The following DNAH14 variants were observed in gnomAD, a reference collection of about 807,000 sequenced individuals.
DNAH14 encodes dynein axonemal heavy chain 14.
A neutral mutation model predicts 520.9 loss-of-function variants in DNAH14; 478 were observed. The observed-to-expected ratio is 0.92, with a 90% CI of 0.85 to 0.99. The LOEUF (loss-of-function observed/expected upper bound fraction) is 0.99. Ranked by LOEUF, DNAH14 falls within the 50% of genes least tolerant of loss-of-function variation. The pLI is 0.00. For missense variants in DNAH14, 4,831 were observed against 5,234.5 expected, an observed-to-expected ratio of 0.92 and a Z score of 2.38; for synonymous variants, 1,581 against 1,757.2, an observed-to-expected ratio of 0.90 and a Z score of 2.51.
At chr1:225,033,952 G>T (rs578213806) in intron 11 of DNAH14, among the ~76,000 whole-genome samples, 2 of 152,274 alleles carry the variant, frequency 1.3e-5, no homozygotes, top group South Asian at 4.1e-4. Flanking sequence ...CTGTTTATCA[G>T]CTGAAGGAGC....
At chr1:225,167,007 ATTTC>A (rs1353271744) in intron 35 of DNAH14, among the ~76,000 whole-genome samples, 2 of 152,130 alleles carry the variant, frequency 1.3e-5, no homozygotes, top group Non-Finnish European at 2.9e-5. Context: ...TACCTATGTG[ATTTC>A]TTGCTTATAT....
At chr1:225,211,916 T>TTA in intron 41 of DNAH14, among the ~76,000 whole-genome samples, 1 of 147,570 alleles carries the variant, frequency 6.8e-6, no homozygotes, top group African/African-American at 2.5e-5. Flanking sequence ...ATTTATTTAT[T>TTA]TTTATTATAC....
At chr1:225,220,708 G>A (rs777135394) in intron 41 of DNAH14, among the ~76,000 whole-genome samples, 4 of 152,082 alleles carry the variant, frequency 2.6e-5, no homozygotes, top group Non-Finnish European at 5.9e-5. Context: ...AATCAATATC[G>A]TGAAAATGGC....
At chr1:225,335,019 T>C (rs2094888355) in intron 66 of DNAH14, among the ~76,000 whole-genome samples, 1 of 149,296 alleles carries the variant, frequency 6.7e-6, no homozygotes, top group Non-Finnish European at 1.5e-5. Context: ...TACTTATATG[T>C]ATATATACAT....
At chr1:225,114,431 TG>T (rs990195815) in intron 23 of DNAH14, among the ~76,000 whole-genome samples, 1 of 152,146 alleles carries the variant, frequency 6.6e-6, no homozygotes, top group Admixed American at 6.5e-5. Context: ...CTTTTGGAGC[TG>T]GGAGCTGTGC....
At chr1:225,271,734 G>C (rs2093320243) in intron 50 of DNAH14, among the ~76,000 whole-genome samples, 172 bp from the exon 51 acceptor site, 1 of 152,124 alleles carries the variant, frequency 6.6e-6, no homozygotes, top group Non-Finnish European at 1.5e-5. Flanking sequence ...AACCCCTAGA[G>C]TGTTTTGTTT....
chr1:225,398,793 A>C, intron 85 of DNAH14, 127 bp downstream of exon 85: 1 of 1,322,326 alleles, frequency 7.6e-7, no homozygotes, highest in Non-Finnish European at 1.0e-6. Flanking sequence ...CAGACAACAA[A>C]GATTTTAAAT....
At chr1:225,078,468 A>G (rs1451669130) in intron 17 of DNAH14, among the ~76,000 whole-genome samples, 1 of 152,140 alleles carries the variant, frequency 6.6e-6, no homozygotes, top group Non-Finnish European at 1.5e-5. Context: ...TTTATGTCTT[A>G]ATAGCATCTA....
chr1:225,096,387 G>T (rs1439214253), intron 21 of DNAH14, among the ~76,000 whole-genome samples: 1 of 152,172 alleles, frequency 6.6e-6, no homozygotes, highest in Non-Finnish European at 1.5e-5. Context: ...ATGGAGGTAA[G>T]TACCAGAAGT....
intron 55 of DNAH14, among the ~76,000 whole-genome samples, chr1:225,291,353 A>T (rs1191210270): frequency 6.6e-6 from 1 of 152,048 alleles, no homozygotes; most frequent in Admixed American, 6.6e-5. Flanking sequence ...TGATATACTG[A>T]TTTCCTTTTC....
intron 61 of DNAH14, among the ~76,000 whole-genome samples, chr1:225,318,886 A>T (rs1028813492): frequency 6.6e-6 from 1 of 152,136 alleles, no homozygotes; most frequent in Non-Finnish European, 1.5e-5. Flanking sequence ...TGATGCCTTC[A>T]ATTGTAAGGC....
chr1:224,991,758 A>G (rs775047202), intron 8 of DNAH14, among the ~76,000 whole-genome samples: 1 of 152,074 alleles, frequency 6.6e-6, no homozygotes, highest in African/African-American at 2.4e-5. Flanking sequence ...ATAGTATTCC[A>G]TGGTGTATAT....
intron 32 of DNAH14, among the ~76,000 whole-genome samples, chr1:225,152,364 GCT>G (rs1267606256): frequency 6.6e-6 from 1 of 152,170 alleles, no homozygotes; most frequent in South Asian, 2.1e-4. Context: ...AGGCAGAAAA[GCT>G]GATGAGAGTG....
At chr1:225,019,498 C>T (rs531826355) in intron 10 of DNAH14, among the ~76,000 whole-genome samples, 23 of 152,142 alleles carry the variant, frequency 1.5e-4, no homozygotes, top group Non-Finnish European at 2.9e-4. Flanking sequence ...CCAATGACAG[C>T]ATTAGACACA....
At chr1:225,157,602 A>G (rs2081164417) in intron 34 of DNAH14, among the ~76,000 whole-genome samples, 1 of 152,102 alleles carries the variant, frequency 6.6e-6, no homozygotes, top group Non-Finnish European at 1.5e-5. Flanking sequence ...TTCTCTCCAT[A>G]TCTATATTTA....
At chr1:224,967,282 A>T (rs1384761516) in intron 5 of DNAH14, 149 bp from the exon 6 acceptor site, 4 of 439,240 alleles carry the variant, frequency 9.1e-6, no homozygotes, top group Non-Finnish European at 1.5e-5. Flanking sequence ...ACATAATTTG[A>T]TGTTAGCTTT....
chr1:225,113,970 C>T (rs887521917), intron 23 of DNAH14, among the ~76,000 whole-genome samples: 1 of 152,182 alleles, frequency 6.6e-6, no homozygotes, highest in Non-Finnish European at 1.5e-5. Flanking sequence ...TGGTGCTCTA[C>T]CCCATTGTAG....
chr1:224,959,931 A>C (rs1254442524), intron 3 of DNAH14, among the ~76,000 whole-genome samples: 1 of 152,152 alleles, frequency 6.6e-6, no homozygotes, highest in Non-Finnish European at 1.5e-5. Flanking sequence ...AAGGTGAGGA[A>C]AGCAAGGCAG....
chr1:225,227,411 T>C (rs1319352266), intron 41 of DNAH14, among the ~76,000 whole-genome samples: 1 of 152,178 alleles, frequency 6.6e-6, no homozygotes, highest in Non-Finnish European at 1.5e-5. Context: ...CCTAAATCCA[T>C]TAAACCTTGA....
Sources: gnomAD v4.1 joint callset for allele counts (sites outside exome capture counted in the v4.1 genomes callset) on GRCh38, gnomAD v4.1.1 for gene constraint, MANE v1.5 for transcripts, NCBI Gene and HGNC (gene_info 2026-07-23, HGNC 2026-07-21) for gene names.